Variants in CREBBP observed in about 807,000 individuals in gnomAD.
CREBBP encodes the protein CREB binding lysine acetyltransferase.
CREBBP carries 19 observed loss-of-function variants against 265.0 expected under a neutral mutation model. The observed-to-expected ratio is 0.07, with a 90% CI of 0.05 to 0.11. The LOEUF (loss-of-function observed/expected upper bound fraction) is 0.11, where lower values mean the gene tolerates loss of function less well. Ranked by LOEUF, CREBBP falls within the 10% of genes least tolerant of loss-of-function variation. CREBBP has a pLI of 1.00. For missense variants in CREBBP, 2,525 were observed against 3,219.0 expected (o/e 0.78, Z 5.22); for synonymous variants, 1,457 against 1,223.7 (o/e 1.19, Z -3.98).
chr16:3,737,934 C>T (rs1007605738), intron 26 of CREBBP, among the ~76,000 whole-genome samples: 1 of 151,746 alleles, frequency 6.6e-6, no homozygotes, highest in Non-Finnish European at 1.5e-5. Flanking sequence ...ATTACAGGCT[C>T]ATGCTACTAT....
At chr16:3,806,277 T>C (rs960878317) in intron 3 of CREBBP, among the ~76,000 whole-genome samples, 1 of 152,226 alleles carries the variant, frequency 6.6e-6, no homozygotes, top group African/African-American at 2.4e-5. Context: ...CACCCTTCCA[T>C]TCAGAGACGT....
chr16:3,793,663 C>G (rs769530194), intron 3 of CREBBP, 37 bp from the exon 4 acceptor site: 44 of 1,602,892 alleles, frequency 2.7e-5, no homozygotes, highest in Non-Finnish European at 3.7e-5. Flanking sequence ...ACTTTAACCT[C>G]TCAGAGTTCC....
chr16:3,751,067 TTAAAA>T (rs908620380), intron 20 of CREBBP, among the ~76,000 whole-genome samples: 1 of 151,310 alleles, frequency 6.6e-6, no homozygotes, highest in Non-Finnish European at 1.5e-5. Context: ...AAAAAAAAAA[TTAAAA>T]TAAAGAAAAT....
chr16:3,794,809 A>G (rs1266635556), intron 3 of CREBBP, among the ~76,000 whole-genome samples: 1 of 152,220 alleles, frequency 6.6e-6, no homozygotes, highest in Non-Finnish European at 1.5e-5. Context: ...CAGTAAGAGA[A>G]GTGTTCCTAA....
Position 3,781,000 on chromosome 16 carries a change from T to G in CREBBP, c.1677-122A>C, listed in dbSNP as rs958601841. ...AGTTTAAGTCAGGAGAGCCAAGTGA[T>G]GTAAATAAATAAAACTTAAACTATG... On this transcript the variant is annotated intron_variant, in intron 7 of 30. Coordinates refer to ENST00000262367, the MANE Select transcript of CREBBP (RefSeq NM_004380.3). 5.9e-6 allele frequency: 7 copies of G among 1,181,728 alleles called. No homozygotes were observed. The Admixed American group carries it at 9.9e-5, about 17-fold the overall frequency. The allele number at this position is 1,181,728 out of a possible 1,614,324, so 73.2% of individuals were successfully genotyped here.
chr16:3,736,576 T>A (rs1313234703), intron 27 of CREBBP, 74 bp downstream of exon 27: 3 of 1,592,152 alleles, frequency 1.9e-6, no homozygotes, highest in Non-Finnish European at 2.6e-6. Flanking sequence ...AGTATGCGAA[T>A]GCAAGAAAAA....
At chr16:3,775,635 T>C (rs770083998) in intron 11 of CREBBP, among the ~76,000 whole-genome samples, 3 of 152,188 alleles carry the variant, frequency 2.0e-5, no homozygotes, top group Admixed American at 1.3e-4. Context: ...AGGGAGTCTA[T>C]AATGTAAGCT....
At chr16:3,777,343 A>AAAAAT (rs976797244) in intron 11 of CREBBP, among the ~76,000 whole-genome samples, 3 of 151,826 alleles carry the variant, frequency 2.0e-5, no homozygotes, top group African/African-American at 7.3e-5. Context: ...TCAAAAAAAT[A>AAAAAT]AAAATAAAAT....
In CREBBP at chr16:3,729,181, C is replaced by A; in HGVS notation, c.5866G>T (p.Val1956Leu). The part of the protein sequence containing the change: ...PPPAQPPPAA[V>L]EAARQIEREA... ...CGCTCGATCTGCCGAGCCGCTTCCA[C>A]CGCTGCAGGAGGGGGCTGGGCCGGG... Residue 1956 changes from valine (V) to leucine (L), a missense_variant, in exon 31 of 31, where the codon GTG becomes TTG. Val to Leu is a conservative substitution (Grantham distance 32). Coordinates refer to ENST00000262367, the MANE Select transcript of CREBBP (RefSeq NM_004380.3). 1 of 1,536,962 alleles carries A rather than the reference C, an allele frequency of 6.5e-7. No homozygotes were observed. Among genetic ancestry groups the A allele is most frequent in the South Asian group, 1.2e-5 (1 of 84,188 alleles).
Position 3,880,284 on chromosome 16 carries a change from A to T in CREBBP, c.-368T>A, listed in dbSNP as rs954568747. ...CGGCGCCCGGCCGGGCGGCTCAGGCAGTCCCCGAGAACATGGTGCCGCCGC... is the reference window on the plus strand; with the variant it reads ...CGGCGCCCGGCCGGGCGGCTCAGGCTGTCCCCGAGAACATGGTGCCGCCGC... On this transcript the variant is annotated 5_prime_UTR_variant, in exon 1 of 31. Transcript: ENST00000262367. 9 of 137,026 alleles carry T rather than the reference A, an allele frequency of 6.6e-5. No individual in the cohort carries two copies. Among genetic ancestry groups the T allele is most frequent in the African/African-American group, 2.4e-4 (9 of 37,708 alleles). 8.5% of individuals were successfully genotyped at this position (137,026 alleles called of 1,614,324 possible).
At chr16:3,790,088 T>C (rs937947633) in intron 5 of CREBBP, among the ~76,000 whole-genome samples, 1 of 152,298 alleles carries the variant, frequency 6.6e-6, no homozygotes, top group South Asian at 2.1e-4. Context: ...AACTACAAAC[T>C]TGACAATGAA....
chr16:3,810,100 T>C (rs551199904), intron 3 of CREBBP, among the ~76,000 whole-genome samples: 3 of 152,350 alleles, frequency 2.0e-5, no homozygotes, highest in African/African-American at 7.2e-5. Flanking sequence ...ATTTTATAGA[T>C]TTCCCATCTA....
chr16:3,839,869 G>GAGAAA lies in CREBBP; in HGVS notation c.798+10423_798+10427dup, dbSNP rs545258090. Among the ~76,000 whole-genome samples, 7 of 151,856 alleles carry GAGAAA rather than the reference G, an allele frequency of 4.6e-5. No homozygotes were observed. In the South Asian group the frequency reaches 8.3e-4, roughly 18 times the overall value. The stretch of plus-strand genomic sequence containing the variant: ...AGAGAGGAAGAGTGAGAGAAAGAAA[G>GAGAAA]AGAAAAGAAAAGAAAAGAAAAAAGA... On this transcript the variant is annotated intron_variant, in intron 2 of 30. Coordinates refer to ENST00000262367, the MANE Select transcript of CREBBP (RefSeq NM_004380.3).
At chr16:3,795,526 G>A (rs1020867693) in intron 3 of CREBBP, among the ~76,000 whole-genome samples, 11 of 152,318 alleles carry the variant, frequency 7.2e-5, no homozygotes, top group Middle Eastern at 3.4e-3. Context: ...GGGCTGGAAT[G>A]ACTTGTAATG....
At chr16:3,875,532 T>C (rs1015672698) in intron 1 of CREBBP, among the ~76,000 whole-genome samples, 2 of 152,168 alleles carry the variant, frequency 1.3e-5, no homozygotes, top group African/African-American at 4.8e-5. Context: ...AATACACTCC[T>C]GGCTGCCCCC....
Position 3,739,557 on chromosome 16 carries a change from TG to T in CREBBP, c.4280+20del, listed in dbSNP as rs746008622. The T allele has an allele frequency of 4.1e-5, 66 of 1,614,032 alleles. No individual in the cohort carries two copies. The highest frequency in any genetic ancestry group is 5.2e-5 in the Non-Finnish European group (61 of 1,180,022). On this transcript the variant is annotated intron_variant, in intron 25 of 30. Transcript: ENST00000262367. ...ACACGGCTCACTGAATGACACGCCC[TG>T]GAAGGAGCTGGAAAACTACCTCGTG...
Position 3,834,948 on chromosome 16 carries a change from C to A in CREBBP, c.798+15349G>T, listed in dbSNP as rs987246886. The stretch of plus-strand genomic sequence containing the variant: ...CCGAGGCGGGCGGATCACGAGGTCA[C>A]GAGATCGAGACCATCCTGGCTAACA... On this transcript the variant is annotated intron_variant, in intron 2 of 30. Coordinates refer to ENST00000262367, the MANE Select transcript of CREBBP (RefSeq NM_004380.3). Among the ~76,000 whole-genome samples the A allele has an allele frequency of 1.5e-4, 23 of 152,174 alleles. 1 individual carries two copies. The highest frequency in any genetic ancestry group is 4.6e-4 in the African/African-American group (19 of 41,534).
intron 2 of CREBBP, among the ~76,000 whole-genome samples, chr16:3,828,093 T>G (rs1002350262): frequency 1.3e-5 from 2 of 152,034 alleles, no homozygotes; most frequent in Admixed American, 6.6e-5. Context: ...ACTTCTTTTT[T>G]TTTTGTTTTG....
chr16:3,836,017 G>A (rs1049428447), intron 2 of CREBBP, among the ~76,000 whole-genome samples: 2 of 152,122 alleles, frequency 1.3e-5, no homozygotes, highest in Non-Finnish European at 2.9e-5. Flanking sequence ...TGCCAACAAC[G>A]TGGATGAATC....
Sources: gnomAD v4.1 joint callset for allele counts (sites outside exome capture counted in the v4.1 genomes callset) on GRCh38, gnomAD v4.1.1 for gene constraint, MANE v1.5 for transcripts, NCBI Gene and HGNC (gene_info 2026-07-23, HGNC 2026-07-21) for gene names.